PRKAG2: variants seen among roughly 807,000 people sequenced by gnomAD.
The protein encoded by PRKAG2 is protein kinase AMP-activated non-catalytic subunit gamma 2, also known as 5'-AMP-activated protein kinase subunit gamma-2.
PRKAG2 carries 26 observed loss-of-function variants against 69.6 expected under a neutral mutation model. That is an observed-to-expected ratio of 0.37 (90% CI 0.27 to 0.52). The LOEUF is 0.52. PRKAG2 is among the 20% of genes least tolerant of loss of function. The pLI, the probability that PRKAG2 is intolerant of heterozygous loss-of-function variation, is 0.90. For missense variants in PRKAG2, 557 were observed against 740.0 expected (o/e 0.75, Z 2.87); for synonymous variants, 293 against 285.0 (o/e 1.03, Z -0.28).
chr7:151,736,390 T>C (rs1363952856), intron 3 of PRKAG2: 4 of 976,012 alleles, frequency 4.1e-6, no homozygotes, highest in Non-Finnish European at 4.9e-6. Context: ...GGGCTTTTTT[T>C]TTTTTTTTTT....
intron 3 of PRKAG2, among the ~76,000 whole-genome samples, chr7:151,776,587 G>A (rs753370235): frequency 2.0e-5 from 3 of 152,200 alleles, no homozygotes; most frequent in Admixed American, 6.5e-5. Flanking sequence ...GGGTACACAC[G>A]GGCCCCAGCA....
In PRKAG2 at chr7:151,807,529, C is replaced by T. The variant is rs557705312; in HGVS notation, c.115-20988G>A. On this transcript the variant is annotated intron_variant, in intron 1 of 15. Transcript: ENST00000287878. This position sits in a 1 kb window ranked among gnomAD's most constrained non-coding sequence, Gnocchi z 4.4. ...CTGCCCCTTCTTCCCAACCTACGAG[C>T]TGAAATGGCCAGCACTGCGCCTTCC... The T allele has an allele frequency of 2.2e-6, 1 of 457,868 alleles. No individual in the cohort carries two copies. The highest frequency in any genetic ancestry group is 2.0e-5 in the African/African-American group (1 of 50,210). The allele number at this position is 457,868 out of a possible 1,614,324, so 28.4% of individuals were successfully genotyped here. A position where few individuals can be genotyped will look rare whatever the true frequency, so the allele number is the denominator to read the frequency against.
chr7:151,765,753 C>A (rs139363095), intron 3 of PRKAG2, among the ~76,000 whole-genome samples: 31 of 152,312 alleles, frequency 2.0e-4, no homozygotes, highest in African/African-American at 7.2e-4. Flanking sequence ...CATCATACAA[C>A]CCTTAACAGT....
At chr7:151,729,177 G>A (rs1197882091) in intron 3 of PRKAG2, among the ~76,000 whole-genome samples, 3 of 151,688 alleles carry the variant, frequency 2.0e-5, no homozygotes, top group African/African-American at 4.8e-5. Flanking sequence ...AGGGGGTGGC[G>A]GGCGGGCCTC....
chr7:151,773,749 A>AG (rs1200471427), intron 3 of PRKAG2, among the ~76,000 whole-genome samples: 2 of 152,194 alleles, frequency 1.3e-5, no homozygotes, highest in African/African-American at 4.8e-5. Flanking sequence ...TCATCTCCAA[A>AG]GGCAAGATCA....
intron 5 of PRKAG2, among the ~76,000 whole-genome samples, chr7:151,612,620 G>C (rs564801883): frequency 6.6e-6 from 1 of 152,222 alleles, no homozygotes; most frequent in East Asian, 1.9e-4. Context: ...CTCCAACTCT[G>C]TGCACTGCCT....
chr7:151,567,731 A>C lies in PRKAG2; in HGVS notation c.1233+985T>G, dbSNP rs1806582901. Among the ~76,000 whole-genome samples, 1 of 152,214 alleles carries C rather than the reference A, an allele frequency of 6.6e-6. No individual in the cohort carries two copies. The highest frequency in any genetic ancestry group is 2.4e-5 in the African/African-American group (1 of 41,446). On this transcript the variant is annotated intron_variant, in intron 11 of 15. Transcript: ENST00000287878. This position sits in a 1 kb window ranked among gnomAD's most constrained non-coding sequence, Gnocchi z 4.2. ...GCATGGTTAAATAAATGTTATTTAT[A>C]TATGTAAATGATTAAAATACAAGAC...
intron 4 of PRKAG2, among the ~76,000 whole-genome samples, chr7:151,637,880 C>T (rs1263691596): frequency 6.6e-6 from 1 of 152,094 alleles, no homozygotes; most frequent in Non-Finnish European, 1.5e-5. Flanking sequence ...TTCTTAAAGT[C>T]TCAACAGACT....
At chr7:151,802,735 C>A (rs1257077288) in intron 1 of PRKAG2, among the ~76,000 whole-genome samples, 1 of 152,026 alleles carries the variant, frequency 6.6e-6, no homozygotes, top group East Asian at 1.9e-4. Context: ...CTCTGCCTGG[C>A]ATTCAGTGCA....
At chr7:151,810,990 G>A (rs748461565) in intron 1 of PRKAG2, among the ~76,000 whole-genome samples, 1 of 152,090 alleles carries the variant, frequency 6.6e-6, no homozygotes, top group Non-Finnish European at 1.5e-5. Flanking sequence ...GACCCCAGGT[G>A]GCGGAGAGGG....
chr7:151,756,524 A>G lies in PRKAG2; in HGVS notation c.466+24628T>C, dbSNP rs2075098635. On this transcript the variant is annotated intron_variant, in intron 3 of 15. Transcript: ENST00000287878. This position sits in a 1 kb window ranked among gnomAD's most constrained non-coding sequence, Gnocchi z 4.9. ...CCTCACCCCTACTCTGCCTGGATGCAGGGGCTGACCTCTGACCCCTGCTGC... is the reference window on the plus strand; with the variant it reads ...CCTCACCCCTACTCTGCCTGGATGCGGGGGCTGACCTCTGACCCCTGCTGC... Among the ~76,000 whole-genome samples the G allele has an allele frequency of 6.6e-6, 1 of 152,224 alleles. No individual in the cohort carries two copies. Among genetic ancestry groups the G allele is most frequent in the South Asian group, 2.1e-4 (1 of 4,836 alleles).
In PRKAG2 at chr7:151,781,503, C is replaced by T. The variant is rs2076668159; in HGVS notation, c.187-72G>A. On this transcript the variant is annotated intron_variant, in intron 2 of 15. Transcript: ENST00000287878. The surrounding 1 kb of genome is among the most constrained non-coding windows in gnomAD (Gnocchi z 6.1). ...ACGCTGCCTCCTGCCCTGTATGAAA[C>T]TTATCATTGTCCTCTCTCACATGCG... 1 of 1,521,128 alleles carries T rather than the reference C, an allele frequency of 6.6e-7. No individual in the cohort carries two copies. The highest frequency in any genetic ancestry group is 8.9e-7 in the Non-Finnish European group (1 of 1,127,806). 94.2% of individuals were successfully genotyped at this position (1,521,128 alleles called of 1,614,324 possible).
intron 3 of PRKAG2, among the ~76,000 whole-genome samples, chr7:151,721,829 G>T (rs1797167084): frequency 1.3e-5 from 2 of 152,044 alleles, no homozygotes; most frequent in African/African-American, 4.8e-5. Context: ...TCTGACCCAG[G>T]TCCCTTAGTT....
chr7:151,782,380 AGAAGGAAGGAAGGAAGGAAG>A (rs878861161), intron 2 of PRKAG2, among the ~76,000 whole-genome samples: 2 of 61,736 alleles, frequency 3.2e-5, no homozygotes, highest in Non-Finnish European at 6.3e-5. Flanking sequence ...AGGGAAGGAA[AGAAGGAAGGAAGGAAGGAAG>A]GAAGGAAGGA....
Position 151,820,360 on chromosome 7 carries a change from G to T in PRKAG2, c.115-33819C>A, listed in dbSNP as rs115416690. On this transcript the variant is annotated intron_variant, in intron 1 of 15. Transcript: ENST00000287878. ...TACTCCTCCACACCCACTGCCGTGG[G>T]CTCCTTTGACTTCCGTCATTTTGAT... Among the ~76,000 whole-genome samples, 347 of 146,580 alleles carry T rather than the reference G, an allele frequency of 2.4e-3. 23 individuals are homozygous for T. Among genetic ancestry groups the T allele is most frequent in the African/African-American group, 9.2e-3 (333 of 36,174 alleles).
intron 3 of PRKAG2, among the ~76,000 whole-genome samples, chr7:151,690,529 G>A (rs910089863): frequency 3.9e-5 from 6 of 152,228 alleles, no homozygotes; most frequent in Non-Finnish European, 5.9e-5. Context: ...AGGAGCAGCC[G>A]TTAGGAAGGT....
chr7:151,761,710 G>T (rs544699275), intron 3 of PRKAG2, among the ~76,000 whole-genome samples: 4 of 152,134 alleles, frequency 2.6e-5, no homozygotes, highest in African/African-American at 9.7e-5. Flanking sequence ...TTACTGTGAC[G>T]CCGTGGTCTC....
chr7:151,864,589 G>T (rs1390214467), intron 1 of PRKAG2, among the ~76,000 whole-genome samples: 1 of 152,204 alleles, frequency 6.6e-6, no homozygotes, highest in Non-Finnish European at 1.5e-5. Flanking sequence ...ATGCCCCAAG[G>T]TCATGTCAGA....
intron 3 of PRKAG2, among the ~76,000 whole-genome samples, chr7:151,722,432 C>T (rs1449664201): frequency 6.6e-6 from 1 of 152,164 alleles, no homozygotes; most frequent in Admixed American, 6.5e-5. Context: ...CCATTGGCAT[C>T]CTTTCCTCTC....
Sources: gnomAD v4.1 joint callset for allele counts (sites outside exome capture counted in the v4.1 genomes callset) on GRCh38, gnomAD v4.1.1 for gene constraint, Gnocchi (gnomAD v3.1) non-coding constraint, MANE v1.5 for transcripts, NCBI Gene and HGNC (gene_info 2026-07-23, HGNC 2026-07-21) for gene names.